PPTC7: variants seen among roughly 807,000 people sequenced by gnomAD.
The protein encoded by PPTC7 is protein phosphatase PTC7 homolog.
A neutral mutation model predicts 30.8 loss-of-function variants in PPTC7; 6 were observed. The observed-to-expected ratio is 0.19, with a 90% CI of 0.11 to 0.38. The LOEUF is 0.38. PPTC7 is among the 10% of genes least tolerant of loss of function. The pLI is 1.00. For missense variants in PPTC7, 218 were observed against 404.8 expected, an observed-to-expected ratio of 0.54 and a Z score of 3.96; for synonymous variants, 163 against 168.1, an observed-to-expected ratio of 0.97 and a Z score of 0.23.
chr12:110,551,584 T>TGATCTGCCCACCTCAGCC (rs2064349955), intron 2 of PPTC7, among the ~76,000 whole-genome samples: 1 of 152,202 alleles, frequency 6.6e-6, no homozygotes, highest in South Asian at 2.1e-4. Context: ...CGACCTCAGG[T>TGATCTGCCCACCTCAGCC]GATCTGCCCA....
chr12:110,546,279 G>A (rs1397892903), intron 2 of PPTC7: 1 of 579,756 alleles, frequency 1.7e-6, no homozygotes, highest in Admixed American at 3.0e-5. Flanking sequence ...AAAGAAAAAG[G>A]ATTTGTATTA....
intron 1 of PPTC7, among the ~76,000 whole-genome samples, chr12:110,569,197 G>A (rs2064512011): frequency 6.6e-6 from 1 of 152,046 alleles, no homozygotes; most frequent in South Asian, 2.1e-4. Flanking sequence ...GCCGGGCATG[G>A]TGGCGGGCAC....
intron 1 of PPTC7, among the ~76,000 whole-genome samples, chr12:110,559,730 GAAAA>G (rs770672237): frequency 1.1e-5 from 1 of 89,700 alleles, no homozygotes. Context: ...AGCCTCAGGG[GAAAA>G]AAAAAAAAAA....
chr12:110,544,216 TA>T (rs1373463816), intron 3 of PPTC7, among the ~76,000 whole-genome samples: 1 of 152,254 alleles, frequency 6.6e-6, no homozygotes, highest in Non-Finnish European at 1.5e-5. Flanking sequence ...CTTTTACTGC[TA>T]AATTTTTAGA....
chr12:110,568,827 G>A (rs1035817824), intron 1 of PPTC7, among the ~76,000 whole-genome samples: 1 of 152,182 alleles, frequency 6.6e-6, no homozygotes, highest in Non-Finnish European at 1.5e-5. Context: ...GTCAGAACTC[G>A]CTACAAGATG....
In PPTC7 at chr12:110,536,612, T is replaced by C. The variant is rs2064219914; in HGVS notation, c.*425A>G. 1 of 159,686 alleles carries C rather than the reference T, an allele frequency of 6.3e-6. No homozygotes were observed. Among genetic ancestry groups the C allele is most frequent in the African/African-American group, 2.4e-5 (1 of 41,748 alleles). The allele number at this position is 159,686 out of a possible 1,614,324, so 9.9% of individuals were successfully genotyped here. On this transcript the variant is annotated 3_prime_UTR_variant, in exon 6 of 6. Transcript: ENST00000354300. ...ATGTAACATTTCTTTTGATGAATAA[T>C]GTATGTTTCTAGTAGATGTATCATT... is the stretch of plus-strand genomic sequence containing the variant.
intron 1 of PPTC7, among the ~76,000 whole-genome samples, chr12:110,574,121 G>A (rs1479741845): frequency 9.3e-6 from 1 of 107,684 alleles, no homozygotes; most frequent in Non-Finnish European, 1.7e-5. Flanking sequence ...AACACAGAGA[G>A]ACTCTGTCTC....
At chr12:110,572,156 C>T (rs757947201) in intron 1 of PPTC7, among the ~76,000 whole-genome samples, 2 of 152,136 alleles carry the variant, frequency 1.3e-5, no homozygotes, top group African/African-American at 4.8e-5. Context: ...AAGATAACAA[C>T]GTGGCTAGGT....
intron 1 of PPTC7, among the ~76,000 whole-genome samples, chr12:110,580,789 T>C (rs1202249177): frequency 6.6e-6 from 1 of 152,090 alleles, no homozygotes; most frequent in Non-Finnish European, 1.5e-5. Context: ...TCTCGCACTG[T>C]CGCCCAGTCT....
At chr12:110,558,664 C>T (rs1325744852) in intron 1 of PPTC7, among the ~76,000 whole-genome samples, 3 of 152,252 alleles carry the variant, frequency 2.0e-5, no homozygotes, top group African/African-American at 4.8e-5. Flanking sequence ...CTCGCTCTGT[C>T]GCCCAGGCTG....
rs2064223809 is a variant in PPTC7, at chr12:110,537,099, C to T, written c.857-4G>A. The T allele has an allele frequency of 3.7e-6, 6 of 1,603,226 alleles. No homozygotes were observed. The highest frequency in any genetic ancestry group is 4.5e-5 in the East Asian group (2 of 44,816). Reference sequence around the variant, plus strand: ...GTGATGTCATCTGGCTTTCCACCTACAATGAAAATGAGAACCTATCAGTAT... The same window carrying T: ...GTGATGTCATCTGGCTTTCCACCTATAATGAAAATGAGAACCTATCAGTAT... On this transcript the variant is annotated splice_polypyrimidine_tract_variant and splice_region_variant and intron_variant, in intron 5 of 5. Transcript: ENST00000354300.
chr12:110,541,700 C>CAAAAAAA (rs748911395), intron 3 of PPTC7, among the ~76,000 whole-genome samples: 1 of 66,476 alleles, frequency 1.5e-5, no homozygotes, highest in African/African-American at 4.9e-5. Context: ...AACTCCGTCT[C>CAAAAAAA]AAAAAAAAAA....
intron 3 of PPTC7, 106 bp downstream of exon 3, chr12:110,545,774 T>C: frequency 1.0e-6 from 1 of 973,564 alleles, no homozygotes; most frequent in South Asian, 1.4e-5. Context: ...ATTCTCAGTG[T>C]ATTCTTTTCA....
chr12:110,545,285 G>A (rs1283546310), intron 3 of PPTC7, among the ~76,000 whole-genome samples: 3 of 152,078 alleles, frequency 2.0e-5, no homozygotes, highest in Non-Finnish European at 1.5e-5. Flanking sequence ...TAGAGATGGG[G>A]TTTCACCATG....
chr12:110,554,355 G>A (rs989683120), intron 1 of PPTC7, among the ~76,000 whole-genome samples: 10 of 151,856 alleles, frequency 6.6e-5, no homozygotes, highest in Non-Finnish European at 1.0e-4. Context: ...TGTTTGTCTG[G>A]CAATACAGAG....
chr12:110,568,253 G>GT lies in PPTC7; in HGVS notation c.223+14555dup, dbSNP rs1195913504. 8.2e-3 allele frequency among the ~76,000 whole-genome samples: 1,076 copies of GT among 132,012 alleles called. 10 individuals are homozygous for GT. Among genetic ancestry groups the GT allele is most frequent in the African/African-American group, 0.019 (680 of 35,426 alleles). The allele number at this position is 132,012 out of a possible 152,430, so 86.6% of individuals were successfully genotyped here. A position where few individuals can be genotyped will look rare whatever the true frequency, so the allele number is the denominator to read the frequency against. ...ACGTTGTGCCCCTACAATCTCATGC[G>GT]TTTTTTTTTTTTTTTTTGAGACGGA... On this transcript the variant is annotated intron_variant, in intron 1 of 5. Transcript: ENST00000354300.
At chr12:110,556,358 A>T (rs1251758852) in intron 1 of PPTC7, among the ~76,000 whole-genome samples, 1 of 152,244 alleles carries the variant, frequency 6.6e-6, no homozygotes, top group Non-Finnish European at 1.5e-5. Flanking sequence ...TAAATTATAT[A>T]AGGGGAAGAG....
intron 1 of PPTC7, among the ~76,000 whole-genome samples, chr12:110,568,535 A>G (rs1160815896): frequency 6.6e-6 from 1 of 152,020 alleles, no homozygotes; most frequent in Non-Finnish European, 1.5e-5. Context: ...TACAGGCGTG[A>G]GCCACCACGC....
At chr12:110,562,286 CAAAAAAAAAAAAAAAAA>C (rs11319526) in intron 1 of PPTC7, among the ~76,000 whole-genome samples, 4 of 34,724 alleles carry the variant, frequency 1.2e-4, no homozygotes, top group East Asian at 9.6e-4. Context: ...GACTCCATCT[CAAAAAAAAAAAAAAAAA>C]AAAAAAAAAA....
Sources: gnomAD v4.1 joint callset for allele counts (sites outside exome capture counted in the v4.1 genomes callset) on GRCh38, gnomAD v4.1.1 for gene constraint, MANE v1.5 for transcripts, NCBI Gene and HGNC (gene_info 2026-07-23, HGNC 2026-07-21) for gene names.